ATP5PF: variants seen among roughly 807,000 people sequenced by gnomAD.
ATP5PF encodes the protein ATP synthase peripheral stalk subunit F6.
In ATP5PF, 7 loss-of-function variants were observed where a neutral mutation model predicts 12.0. That is an observed-to-expected ratio of 0.58 (90% confidence interval 0.33 to 1.10). ATP5PF has a LOEUF of 1.10. ATP5PF is among the 50% of genes least tolerant of loss of function. The probability of loss-of-function intolerance (pLI) is 0.03; values close to 1 mark genes in which losing one functional copy is unlikely to be tolerated. For missense variants in ATP5PF, 120 were observed against 127.7 expected, an observed-to-expected ratio of 0.94 and a Z score of 0.29; for synonymous variants, 41 against 45.4, an observed-to-expected ratio of 0.90 and a Z score of 0.39.
At chr21:25,729,528 G>C in intron 2 of ATP5PF, 103 bp downstream of exon 2, 3 of 1,079,074 alleles carry the variant, frequency 2.8e-6, no homozygotes, top group Non-Finnish European at 2.6e-6. Context: ...GATGAGCTCA[G>C]TGAAGGTCTA....
chr21:25,725,185 T>A, intron 3 of ATP5PF, 41 bp downstream of exon 3: 1 of 1,580,178 alleles, frequency 6.3e-7, no homozygotes, highest in East Asian at 2.2e-5. Context: ...TATTCTTCAC[T>A]TATCCCCCAC....
At chr21:25,734,999 G>C (rs769809435), upstream of ATP5PF, 10 of 1,547,242 alleles carry the variant, frequency 6.5e-6, no homozygotes, top group East Asian at 2.2e-4. Context: ...CGGACAGGAA[G>C]CGTCTCGGAG....
At chr21:25,732,852 A>G (rs1297491239) in intron 1 of ATP5PF, among the ~76,000 whole-genome samples, 1 of 151,402 alleles carries the variant, frequency 6.6e-6, no homozygotes, top group Non-Finnish European at 1.5e-5. Context: ...GAGTGGTGGC[A>G]CATGCCTGTA....
In ATP5PF at chr21:25,730,209, C is replaced by T. The variant is rs375452389; in HGVS notation, c.-7-408G>A. ...CCCATACCTCAGCCGGGCATGACAA[C>T]CTGAAAATGTGTACTTCACAGGCCC... is the stretch of plus-strand genomic sequence containing the variant. On this transcript the variant is annotated intron_variant, in intron 1 of 3. Coordinates refer to ENST00000284971, the MANE Select transcript of ATP5PF (RefSeq NM_001003703.2). Among the ~76,000 whole-genome samples the T allele has an allele frequency of 2.6e-5, 4 of 152,198 alleles. No individual in the cohort carries two copies. The East Asian group carries it at 5.8e-4, about 22-fold the overall frequency.
At chr21:25,734,985 T>C (rs894523632), upstream of ATP5PF, 4 of 1,557,820 alleles carry the variant, frequency 2.6e-6, no homozygotes, top group African/African-American at 5.4e-5. Flanking sequence ...CGGTCGACGC[T>C]CACCGGACAG....
intron 1 of ATP5PF, 23 bp downstream of exon 1, chr21:25,734,830 G>A: frequency 6.5e-7 from 1 of 1,531,540 alleles, no homozygotes; most frequent in Non-Finnish European, 8.8e-7. Flanking sequence ...AGGCCACGCT[G>A]ATCTAGCTAC....
chr21:25,727,621 CGAAT>C (rs2034652076), intron 2 of ATP5PF, among the ~76,000 whole-genome samples: 2 of 152,062 alleles, frequency 1.3e-5, no homozygotes, highest in Admixed American at 1.3e-4. Context: ...TTTGCACAAA[CGAAT>C]GAATGACCCA....
At chr21:25,734,927 C>T, upstream of ATP5PF, 1 of 1,573,410 alleles carries the variant, frequency 6.4e-7, no homozygotes. Context: ...GGCTCCGCCC[C>T]CACACGCCTA....
At chr21:25,731,006 C>A (rs1256369108) in intron 1 of ATP5PF, among the ~76,000 whole-genome samples, 2 of 151,944 alleles carry the variant, frequency 1.3e-5, no homozygotes, top group African/African-American at 2.4e-5. Context: ...GCACTTCAGC[C>A]CGAGGCAGGT....
At chr21:25,726,869 T>C (rs193021855) in intron 2 of ATP5PF, among the ~76,000 whole-genome samples, 1 of 152,342 alleles carries the variant, frequency 6.6e-6, no homozygotes, top group East Asian at 1.9e-4. Context: ...GATCAAAGTA[T>C]ACAGTCTTAT....
At chr21:25,732,905 C>T (rs370402900) in intron 1 of ATP5PF, among the ~76,000 whole-genome samples, 3 of 143,828 alleles carry the variant, frequency 2.1e-5, no homozygotes, top group South Asian at 4.4e-4. Context: ...TTCCTTGAAC[C>T]CAGGAGGCGG....
chr21:25,729,680 T>C lies in ATP5PF; in HGVS notation c.115A>G (p.Ile39Val). 6 of 1,613,920 alleles carry C rather than the reference T, an allele frequency of 3.7e-6. No homozygotes were observed. Among genetic ancestry groups the C allele is most frequent in the Non-Finnish European group, 5.1e-6 (6 of 1,179,924 alleles). ...AVAFNKELDP[I>V]QKLFVDKIRE... is the part of the protein sequence containing the mutation. The stretch of plus-strand genomic sequence containing the variant: ...ATCTTGTCCACAAAGAGTTTCTGTA[T>C]AGGATCAAGTTCCTTATTAAATGCC... Residue 39 changes from isoleucine (I) to valine (V), a missense_variant, in exon 2 of 4, where the codon ATA becomes GTA. Ile to Val is a conservative substitution (Grantham distance 29, BLOSUM62 3). Transcript: ENST00000284971.
upstream of ATP5PF, chr21:25,735,485 A>C (rs71649644): frequency 7.8e-4 from 120 of 154,780 alleles, 1 homozygote; most frequent in East Asian, 0.02. Context: ...TGCAGGTCTT[A>C]CCCGGAGAGA....
Position 25,725,266 on chromosome 21 carries a change from A to G in ATP5PF, c.249T>C (p.Gly83=), listed in dbSNP as rs1392449805. The part of the protein sequence containing the change: ...RELFKLKQMF[G]NADMNTFPTF... ...TGGGAAATGTATTCATGTCTGCATTACCAAACATTTGCTTGAGCTTAAAAA... is the reference window on the plus strand; with the variant it reads ...TGGGAAATGTATTCATGTCTGCATTGCCAAACATTTGCTTGAGCTTAAAAA... The change falls in exon 3 of 4, where the codon GGT becomes GGC. Residue 83 remains glycine (G), a synonymous_variant. Transcript: ENST00000284971. 1 of 1,613,504 alleles carries G rather than the reference A, an allele frequency of 6.2e-7. No homozygotes were observed. The highest frequency in any genetic ancestry group is 1.7e-5 in the Admixed American group (1 of 59,870).
At chr21:25,734,909 C>G, upstream of ATP5PF, 1 of 1,565,802 alleles carries the variant, frequency 6.4e-7, no homozygotes, top group Non-Finnish European at 8.6e-7. Flanking sequence ...CGCTCTACTT[C>G]CGGCCCTGGC....
chr21:25,734,993 C>G (rs1288444147), upstream of ATP5PF: 2 of 1,552,166 alleles, frequency 1.3e-6, no homozygotes, highest in Non-Finnish European at 8.7e-7. Context: ...GCTCACCGGA[C>G]AGGAAGCGTC....
chr21:25,726,269 AC>A (rs1350157330), intron 2 of ATP5PF, among the ~76,000 whole-genome samples: 1 of 152,104 alleles, frequency 6.6e-6, no homozygotes. Flanking sequence ...ATTATTTCCT[AC>A]CCTCAGAGAT....
At chr21:25,727,818 T>A (rs1209704892) in intron 2 of ATP5PF, among the ~76,000 whole-genome samples, 1 of 152,252 alleles carries the variant, frequency 6.6e-6, no homozygotes, top group Non-Finnish European at 1.5e-5. Flanking sequence ...GTATGATTTT[T>A]GGCAAATTCT....
chr21:25,729,137 T>C (rs1184300758), intron 2 of ATP5PF, among the ~76,000 whole-genome samples: 1 of 152,170 alleles, frequency 6.6e-6, no homozygotes, highest in Non-Finnish European at 1.5e-5. Flanking sequence ...TCTGTAACTA[T>C]GGAAATAGCC....
Sources: gnomAD v4.1 joint callset for allele counts (sites outside exome capture counted in the v4.1 genomes callset) on GRCh38, gnomAD v4.1.1 for gene constraint, MANE v1.5 for transcripts, NCBI Gene and HGNC (gene_info 2026-07-23, HGNC 2026-07-21) for gene names.